SRSF12: variants seen among roughly 807,000 people sequenced by gnomAD.
SRSF12 encodes the protein serine/arginine-rich splicing factor 12.
SRSF12 carries 21 observed loss-of-function variants against 34.1 expected under a neutral mutation model. The observed-to-expected ratio is 0.62, with a 90% CI of 0.44 to 0.89. The LOEUF (loss-of-function observed/expected upper bound fraction) is 0.89. SRSF12 is among the 40% of genes least tolerant of loss of function. The probability of loss-of-function intolerance (pLI) is 0.00; values close to 1 mark genes in which losing one functional copy is unlikely to be tolerated. For synonymous variants in SRSF12, 111 were observed against 110.8 expected (o/e 1.00, Z -0.01); for missense variants, 278 against 327.8 (o/e 0.85, Z 1.17).
intron 2 of SRSF12, chr6:89,106,928 GC>G (rs1768815587): frequency 1.8e-6 from 1 of 565,240 alleles, no homozygotes; most frequent in Admixed American, 2.2e-5. Context: ...AACTTTAGGT[GC>G]CTTTTGTCTC....
rs1481899318 is a variant in SRSF12 at position 89,097,291 on chromosome 6, T to A, written c.*1287A>T. 6.6e-6 allele frequency: 1 copy of A among 152,128 alleles called. No individual in the cohort carries two copies. Among genetic ancestry groups the A allele is most frequent in the Admixed American group, 6.6e-5 (1 of 15,254 alleles). The allele number at this position is 152,128 out of a possible 1,614,324, so 9.4% of individuals were successfully genotyped here. A position where few individuals can be genotyped will look rare whatever the true frequency, so the allele number is the denominator to read the frequency against. On this transcript the variant is annotated 3_prime_UTR_variant, in exon 5 of 5. Transcript: ENST00000452027. ...GTATACAAGTAGAGCTCTATAAATA[T>A]ATCCCCTATAATAATCATATGCAAA...
chr6:89,107,097 T>C, intron 2 of SRSF12, 57 bp downstream of exon 2: 1 of 1,364,814 alleles, frequency 7.3e-7, no homozygotes, highest in Non-Finnish European at 1.0e-6. Context: ...TGAATACATA[T>C]ATGTATAAGC....
chr6:89,112,960 A>T (rs1424852993), intron 1 of SRSF12, among the ~76,000 whole-genome samples: 2 of 152,128 alleles, frequency 1.3e-5, no homozygotes, highest in Non-Finnish European at 2.9e-5. Flanking sequence ...GTATTGTAAC[A>T]TGCTGTACAG....
intron 4 of SRSF12, among the ~76,000 whole-genome samples, chr6:89,103,779 G>T (rs1463136119): frequency 6.6e-6 from 1 of 152,036 alleles, no homozygotes; most frequent in South Asian, 2.1e-4. Context: ...AATTTCTGTT[G>T]TGATTCACTA....
At chr6:89,114,914 C>A (rs571114110) in intron 1 of SRSF12, among the ~76,000 whole-genome samples, 5 of 151,566 alleles carry the variant, frequency 3.3e-5, no homozygotes, top group African/African-American at 9.7e-5. Context: ...CTCCTGTCTC[C>A]GCCTCCCGAG....
intron 1 of SRSF12, among the ~76,000 whole-genome samples, chr6:89,107,821 A>T (rs1239455736): frequency 6.6e-6 from 1 of 152,168 alleles, no homozygotes; most frequent in Non-Finnish European, 1.5e-5. Context: ...TATGGATTAG[A>T]GGCTGGAAAT....
chr6:89,111,676 T>C (rs776333001), intron 1 of SRSF12, among the ~76,000 whole-genome samples: 1 of 152,180 alleles, frequency 6.6e-6, no homozygotes, highest in East Asian at 1.9e-4. Context: ...CAATAAAACG[T>C]TGGCGGTTGT....
intron 1 of SRSF12, 52 bp from the exon 2 acceptor site, chr6:89,107,310 A>G: frequency 6.9e-7 from 1 of 1,441,694 alleles, no homozygotes; most frequent in Admixed American, 1.9e-5. Flanking sequence ...GGATTAAAAT[A>G]TTTTGCCTAC....
chr6:89,108,665 A>T (rs1427774188), intron 1 of SRSF12, among the ~76,000 whole-genome samples: 1 of 152,236 alleles, frequency 6.6e-6, no homozygotes, highest in Non-Finnish European at 1.5e-5. Context: ...ATTAGAAGAG[A>T]GCTAGATCAA....
chr6:89,101,440 G>A (rs779624066), intron 4 of SRSF12, among the ~76,000 whole-genome samples: 2 of 152,112 alleles, frequency 1.3e-5, no homozygotes, highest in South Asian at 2.1e-4. Context: ...TCTGAAAACC[G>A]GCCGGGTGCG....
chr6:89,113,037 T>C (rs1052377392), intron 1 of SRSF12, among the ~76,000 whole-genome samples: 1 of 152,250 alleles, frequency 6.6e-6, no homozygotes, highest in South Asian at 2.1e-4. Flanking sequence ...TACTGTGTAG[T>C]AGGTTTGGGT....
chr6:89,113,467 C>T (rs972238829), intron 1 of SRSF12, among the ~76,000 whole-genome samples: 2 of 151,986 alleles, frequency 1.3e-5, no homozygotes, highest in Non-Finnish European at 2.9e-5. Context: ...CCACCGCACC[C>T]AGCCCAATTT....
rs781433996 is a variant in SRSF12 at position 89,105,112 on chromosome 6, T to C, written c.416+7A>G. ...GAAAATGAAATTTTCAGTCCTCTTA[T>C]ACTCACTCTTTAAGGCTGTCTGACC... is the stretch of plus-strand genomic sequence containing the variant. On this transcript the variant is annotated splice_region_variant and intron_variant, in intron 4 of 4. Transcript: ENST00000452027. 111 of 1,603,152 alleles carry C rather than the reference T, an allele frequency of 6.9e-5. 3 individuals are homozygous for C. In the South Asian group the frequency reaches 1.2e-3, roughly 17 times the overall value.
intron 1 of SRSF12, among the ~76,000 whole-genome samples, chr6:89,111,789 TAAG>T (rs1166424304): frequency 6.6e-6 from 1 of 152,192 alleles, no homozygotes; most frequent in African/African-American, 2.4e-5. Flanking sequence ...TTTATTAGGT[TAAG>T]AAGTTCTCTT....
rs780008379 is a variant in SRSF12 at position 89,107,026 on chromosome 6, T to C, written c.170+128A>G. The C allele has an allele frequency of 3.0e-6, 3 of 997,036 alleles. No homozygotes were observed. In the South Asian group the frequency reaches 4.1e-5, roughly 14 times the overall value. 61.8% of individuals were successfully genotyped at this position (997,036 alleles called of 1,614,324 possible). A position where few individuals can be genotyped will look rare whatever the true frequency, so the allele number is the denominator to read the frequency against. On this transcript the variant is annotated intron_variant, in intron 2 of 4. Coordinates refer to ENST00000452027, the MANE Select transcript of SRSF12 (RefSeq NM_080743.5). ...CAGCTACTGTGGACTGCTTTAGATC[T>C]TCTGAGATAAAGAAATAAACACATT...
intron 4 of SRSF12, among the ~76,000 whole-genome samples, chr6:89,099,762 C>T (rs1186153418): frequency 6.6e-6 from 1 of 151,978 alleles, no homozygotes; most frequent in African/African-American, 2.4e-5. Flanking sequence ...CTCAATCTCC[C>T]GACCTCAGGT....
intron 4 of SRSF12, 38 bp downstream of exon 4, chr6:89,105,081 A>G (rs1029413661): frequency 7.1e-6 from 11 of 1,549,064 alleles, no homozygotes; most frequent in Admixed American, 2.0e-5. Flanking sequence ...TTTCCCAGAA[A>G]AAGTAGAAAA....
intron 1 of SRSF12, among the ~76,000 whole-genome samples, chr6:89,114,812 T>G (rs978775611): frequency 3.3e-5 from 5 of 152,248 alleles, no homozygotes; most frequent in Admixed American, 1.3e-4. Context: ...TTTTTTAGTT[T>G]TTGAGACAGA....
At chr6:89,113,739 G>A (rs1165990504) in intron 1 of SRSF12, among the ~76,000 whole-genome samples, 2 of 152,146 alleles carry the variant, frequency 1.3e-5, no homozygotes, top group African/African-American at 4.8e-5. Flanking sequence ...GACCACCTGG[G>A]CTCAGGCGAT....
Sources: allele counts gnomAD v4.1 joint callset (sites outside exome capture counted in the v4.1 genomes callset), GRCh38; gene constraint gnomAD v4.1.1; transcripts MANE v1.5; gene names NCBI Gene and HGNC (gene_info 2026-07-23, HGNC 2026-07-21).